Variants in CPNE4 observed in about 807,000 individuals in gnomAD.
CPNE4 encodes the protein copine-4.
Under a neutral mutation model 67.9 loss-of-function variants are expected in CPNE4, and 25 were observed. The observed-to-expected ratio is 0.37, with a 90% CI of 0.27 to 0.51. The LOEUF (loss-of-function observed/expected upper bound fraction) is 0.51. CPNE4 is among the 20% of genes least tolerant of loss of function. CPNE4 has a pLI of 0.93. For synonymous variants in CPNE4, 242 were observed against 244.9 expected (o/e 0.99, Z 0.11); for missense variants, 464 against 690.8 (o/e 0.67, Z 3.68).
At chr3:131,872,826 C>T (rs961236240) in intron 2 of CPNE4, among the ~76,000 whole-genome samples, 1 of 152,162 alleles carries the variant, frequency 6.6e-6, no homozygotes, top group African/African-American at 2.4e-5. Context: ...TAGCTAGGCC[C>T]CCAGTTAATA....
chr3:131,700,054 C>CTTTTTTT (rs3035263), intron 3 of CPNE4, 74 bp from the exon 4 acceptor site: 84 of 254,736 alleles, frequency 3.3e-4, no homozygotes, highest in Non-Finnish European at 4.4e-4. Context: ...TTTTTTAAAC[C>CTTTTTTT]TTTTTTTTTT....
At chr3:131,821,617 T>C (rs1231363398) in intron 2 of CPNE4, among the ~76,000 whole-genome samples, 1 of 152,090 alleles carries the variant, frequency 6.6e-6, no homozygotes, top group African/African-American at 2.4e-5. Flanking sequence ...GCACATGGAA[T>C]TTTTCTCCCA....
intron 14 of CPNE4, among the ~76,000 whole-genome samples, chr3:131,546,640 C>T (rs1935855034): frequency 6.6e-6 from 1 of 152,174 alleles, no homozygotes; most frequent in African/African-American, 2.4e-5. Context: ...ATGACCTGTC[C>T]TTTCATTGCA....
intron 2 of CPNE4, among the ~76,000 whole-genome samples, chr3:131,877,005 T>C (rs2087488000): frequency 6.9e-6 from 1 of 144,072 alleles, no homozygotes; most frequent in African/African-American, 2.5e-5. Flanking sequence ...AATAATGTAC[T>C]TTTTTTTTTT....
rs1255344616 is a variant in CPNE4, at chr3:131,797,252, A to G, written c.181-73627T>C. Among the ~76,000 whole-genome samples the G allele has an allele frequency of 2.6e-5, 4 of 152,210 alleles. No homozygotes were observed. The East Asian group carries it at 7.7e-4, about 29-fold the overall frequency. On this transcript the variant is annotated intron_variant, in intron 2 of 15. Coordinates refer to ENST00000429747, the MANE Select transcript of CPNE4 (RefSeq NM_130808.3). ...TAGCTTCAATCTTTTCTCAGATTTA[A>G]TATTTTCTGAGTAAGGGGCCCTGAA...
chr3:131,818,059 A>G (rs1173434807), intron 2 of CPNE4, among the ~76,000 whole-genome samples: 3 of 152,218 alleles, frequency 2.0e-5, no homozygotes, highest in Non-Finnish European at 2.9e-5. Flanking sequence ...TTTTCAAAGG[A>G]ACACCCTAAA....
At chr3:131,717,943 T>TCTC (rs2081772994) in intron 3 of CPNE4, among the ~76,000 whole-genome samples, 1 of 124,938 alleles carries the variant, frequency 8.0e-6, no homozygotes, top group Non-Finnish European at 1.8e-5. Context: ...TCTTTCTTTC[T>TCTC]TTTCTTTCTT....
At chr3:131,818,288 A>C (rs2084826403) in intron 2 of CPNE4, among the ~76,000 whole-genome samples, 1 of 152,212 alleles carries the variant, frequency 6.6e-6, no homozygotes, top group Non-Finnish European at 1.5e-5. Flanking sequence ...CATACAGGGA[A>C]AAATAGAAGC....
intron 9 of CPNE4, among the ~76,000 whole-genome samples, chr3:131,580,303 A>G (rs886118201): frequency 2.0e-5 from 3 of 152,142 alleles, no homozygotes; most frequent in Middle Eastern, 3.2e-3. Context: ...TAACTTTTAT[A>G]TGCACTGGGA....
chr3:131,882,163 A>C (rs1014694969), intron 2 of CPNE4, among the ~76,000 whole-genome samples: 4 of 148,430 alleles, frequency 2.7e-5, no homozygotes, highest in African/African-American at 2.5e-5. Context: ...CACACACACA[A>C]CCTACATCTC....
At chr3:131,635,070 T>G (rs1473789524) in intron 7 of CPNE4, among the ~76,000 whole-genome samples, 2 of 152,200 alleles carry the variant, frequency 1.3e-5, no homozygotes, top group East Asian at 3.8e-4. Flanking sequence ...AAATTTTGAT[T>G]TTTGGAATGC....
intron 1 of CPNE4, among the ~76,000 whole-genome samples, chr3:131,928,356 C>T (rs900915339): frequency 7.2e-5 from 11 of 152,132 alleles, no homozygotes; most frequent in Non-Finnish European, 8.8e-5. Flanking sequence ...GTATTTAACA[C>T]AAAAGCTTTG....
At chr3:131,897,554 C>T (rs2107757507) in intron 2 of CPNE4, among the ~76,000 whole-genome samples, 1 of 152,068 alleles carries the variant, frequency 6.6e-6, no homozygotes, top group South Asian at 2.1e-4. Context: ...CACCTCTGTG[C>T]CTCTACACTA....
chr3:131,979,393 T>C (rs1031663480), intron 1 of CPNE4, among the ~76,000 whole-genome samples: 2 of 152,186 alleles, frequency 1.3e-5, no homozygotes, highest in African/African-American at 4.8e-5. Context: ...CTGTTTAGGA[T>C]TGTGATATTT....
chr3:131,616,791 A>G (rs1451171906), intron 7 of CPNE4, among the ~76,000 whole-genome samples: 1 of 152,220 alleles, frequency 6.6e-6, no homozygotes, highest in Non-Finnish European at 1.5e-5. Flanking sequence ...AACAGACAGA[A>G]CATAAAAGAA....
At chr3:131,969,688 A>G (rs896698707) in intron 1 of CPNE4, among the ~76,000 whole-genome samples, 2 of 152,226 alleles carry the variant, frequency 1.3e-5, no homozygotes, top group Non-Finnish European at 2.9e-5. Flanking sequence ...AGGGTGCTTT[A>G]TAGATTAAAG....
intron 7 of CPNE4, among the ~76,000 whole-genome samples, chr3:131,593,122 T>TAATC (rs1472896147): frequency 1.3e-5 from 2 of 152,248 alleles, no homozygotes; most frequent in Admixed American, 1.3e-4. Context: ...AAACATTTTA[T>TAATC]AATCAGTTTA....
intron 14 of CPNE4, among the ~76,000 whole-genome samples, chr3:131,543,299 ATTT>A (rs1472867982): frequency 6.6e-6 from 1 of 152,246 alleles, no homozygotes; most frequent in African/African-American, 2.4e-5. Context: ...TTTATATTTT[ATTT>A]AATTGTAATG....
intron 1 of CPNE4, among the ~76,000 whole-genome samples, chr3:131,911,499 C>A (rs1446024312): frequency 6.6e-6 from 1 of 150,428 alleles, no homozygotes; most frequent in Non-Finnish European, 1.5e-5. Context: ...ATCTAGCAAC[C>A]AATAATTATT....
Sources: gnomAD v4.1 joint callset for allele counts (sites outside exome capture counted in the v4.1 genomes callset) on GRCh38, gnomAD v4.1.1 for gene constraint, MANE v1.5 for transcripts, NCBI Gene and HGNC (gene_info 2026-07-23, HGNC 2026-07-21) for gene names.